PDE5A: variants seen among roughly 807,000 people sequenced by gnomAD.
PDE5A encodes the protein phosphodiesterase 5A, also known as cGMP-specific 3',5'-cyclic phosphodiesterase.
PDE5A carries 67 observed loss-of-function variants against 110.2 expected under a neutral mutation model. The observed-to-expected ratio is 0.61, with a 90% CI of 0.50 to 0.75. The LOEUF is 0.75. PDE5A is among the 30% of genes least tolerant of loss of function. PDE5A has a pLI of 0.00. For synonymous variants in PDE5A, 328 were observed against 351.2 expected (o/e 0.93, Z 0.74); for missense variants, 862 against 1,045.1 (o/e 0.82, Z 2.42).
chr4:119,571,200 A>G (rs1728130480), intron 3 of PDE5A, among the ~76,000 whole-genome samples: 1 of 152,228 alleles, frequency 6.6e-6, no homozygotes, highest in African/African-American at 2.4e-5. Flanking sequence ...CTAAGGAATC[A>G]TCAAGTTATG....
At chr4:119,598,727 T>C (rs1355030882) in intron 2 of PDE5A, among the ~76,000 whole-genome samples, 1 of 152,188 alleles carries the variant, frequency 6.6e-6, no homozygotes, top group Non-Finnish European at 1.5e-5. Context: ...GGCGTTTTCC[T>C]GCTTTAGAGA....
chr4:119,598,757 A>G (rs1303292237), intron 2 of PDE5A, among the ~76,000 whole-genome samples: 1 of 152,198 alleles, frequency 6.6e-6, no homozygotes, highest in Non-Finnish European at 1.5e-5. Flanking sequence ...CTACCCAATG[A>G]GAGCAACGCT....
intron 20 of PDE5A, among the ~76,000 whole-genome samples, chr4:119,500,449 A>G (rs1218302195): frequency 1.3e-5 from 2 of 152,148 alleles, no homozygotes; most frequent in African/African-American, 4.8e-5. Context: ...TTGGGAGATG[A>G]ACTTTACAAG....
At chr4:119,563,693 G>A (rs1727823389) in intron 5 of PDE5A, among the ~76,000 whole-genome samples, 1 of 152,254 alleles carries the variant, frequency 6.6e-6, no homozygotes, top group Admixed American at 6.5e-5. Flanking sequence ...ACTGGGAGAT[G>A]AGGTTGCAGC....
intron 7 of PDE5A, among the ~76,000 whole-genome samples, chr4:119,555,646 T>A (rs966078047): frequency 6.6e-6 from 1 of 152,104 alleles, no homozygotes. Context: ...TTCTTCATCA[T>A]CATTATTTTA....
Position 119,495,967 on chromosome 4 carries a change from C to CA in PDE5A, c.*2633dup, listed in dbSNP as rs1725047127. ...CCTTCTGTGACATTCTGCTTGAAGACAAAGGCTTTGCCCAAACATAACTCC... is the reference window on the plus strand; with the variant it reads ...CCTTCTGTGACATTCTGCTTGAAGACAAAAGGCTTTGCCCAAACATAACTCC... On this transcript the variant is annotated 3_prime_UTR_variant, in exon 21 of 21. Transcript: ENST00000354960. 6.6e-6 allele frequency: 1 copy of CA among 152,088 alleles called. No homozygotes were observed. The highest frequency in any genetic ancestry group is 1.5e-5 in the Non-Finnish European group (1 of 68,016). The allele number at this position is 152,088 out of a possible 1,614,324, so 9.4% of individuals were successfully genotyped here. A position where few individuals can be genotyped will look rare whatever the true frequency, so the allele number is the denominator to read the frequency against.
At position 119,628,012 on chromosome 4, in the gene PDE5A, A is replaced by G. The variant is rs201142878; in HGVS notation, c.152+508T>C. Reference sequence around the variant, plus strand: ...GCACTCACTTTGGCAAGGTTCCGTCATGTTGCCTTTGGGCTGTCCCGTGGA... The same window carrying G: ...GCACTCACTTTGGCAAGGTTCCGTCGTGTTGCCTTTGGGCTGTCCCGTGGA... On this transcript the variant is annotated intron_variant, in intron 1 of 20. Transcript: ENST00000354960. The G allele has an allele frequency of 7.1e-5, 70 of 984,882 alleles. No individual in the cohort carries two copies. In the Admixed American group the frequency reaches 1.5e-3, roughly 21 times the overall value. The allele number at this position is 984,882 out of a possible 1,614,324, so 61.0% of individuals were successfully genotyped here. A position where few individuals can be genotyped will look rare whatever the true frequency, so the allele number is the denominator to read the frequency against.
intron 9 of PDE5A, among the ~76,000 whole-genome samples, chr4:119,551,216 A>G (rs188450961): frequency 6.6e-6 from 1 of 152,346 alleles, no homozygotes; most frequent in Admixed American, 6.5e-5. Context: ...AAAGAAACAG[A>G]TCTGTCCCAG....
intron 3 of PDE5A, among the ~76,000 whole-genome samples, chr4:119,588,952 A>G (rs912857007): frequency 3.3e-5 from 5 of 152,236 alleles, no homozygotes; most frequent in African/African-American, 7.2e-5. Context: ...AGTATGATAA[A>G]ATAAAATCAA....
chr4:119,536,390 A>T (rs1217081285), intron 11 of PDE5A, among the ~76,000 whole-genome samples: 5 of 152,144 alleles, frequency 3.3e-5, no homozygotes, highest in African/African-American at 9.7e-5. Flanking sequence ...GAACTTCAAT[A>T]TGTAGACAAT....
chr4:119,531,856 T>C (rs906372872), intron 11 of PDE5A, among the ~76,000 whole-genome samples: 2 of 152,130 alleles, frequency 1.3e-5, no homozygotes, highest in African/African-American at 4.8e-5. Context: ...CATATTTGCC[T>C]GAGATCACAC....
chr4:119,579,793 A>AT (rs1236984453), intron 3 of PDE5A, among the ~76,000 whole-genome samples: 1 of 152,116 alleles, frequency 6.6e-6, no homozygotes, highest in African/African-American at 2.4e-5. Context: ...ATACATATGT[A>AT]ACTAACCTGC....
At chr4:119,551,855 T>A (rs967508433) in intron 9 of PDE5A, 3 of 152,198 alleles carry the variant, frequency 2.0e-5, no homozygotes, top group Non-Finnish European at 4.4e-5. Context: ...AAATTTAACC[T>A]TTAAAAAGTT....
chr4:119,552,843 C>T (rs989002959), intron 8 of PDE5A, among the ~76,000 whole-genome samples: 8 of 151,678 alleles, frequency 5.3e-5, no homozygotes, highest in Non-Finnish European at 8.8e-5. Context: ...TTAAAAATAT[C>T]GGAATTTTTT....
chr4:119,516,357 G>A (rs1725906336), intron 14 of PDE5A, among the ~76,000 whole-genome samples: 1 of 152,182 alleles, frequency 6.6e-6, no homozygotes, highest in Admixed American at 6.5e-5. Flanking sequence ...AAGGGCAAAA[G>A]CCCTAGTATA....
chr4:119,550,710 T>C (rs1432670281), intron 9 of PDE5A, among the ~76,000 whole-genome samples: 1 of 152,212 alleles, frequency 6.6e-6, no homozygotes, highest in African/African-American at 2.4e-5. Context: ...GATAACTTAC[T>C]AGTAAATAAT....
rs115747261 is a variant in PDE5A, at chr4:119,580,760, T to C, written c.832-13616A>G. Among the ~76,000 whole-genome samples, 1,144 of 152,346 alleles carry C rather than the reference T, an allele frequency of 7.5e-3. 13 individuals are homozygous for C. Among genetic ancestry groups the C allele is most frequent in the African/African-American group, 0.026 (1,081 of 41,568 alleles). ...CTTTTGCTACAAAGTCAGACCTCTT[T>C]CTTTCCCACTCTGCCTCTCTGCTTA... On this transcript the variant is annotated intron_variant, in intron 3 of 20. Coordinates refer to ENST00000354960, the MANE Select transcript of PDE5A (RefSeq NM_001083.4).
intron 14 of PDE5A, 91 bp downstream of exon 14, chr4:119,518,954 G>A (rs1726013518): frequency 1.3e-6 from 1 of 795,440 alleles, no homozygotes; most frequent in East Asian, 2.6e-5. Context: ...ATGGGACCTT[G>A]ACCATCAAAT....
chr4:119,523,369 A>ATCTG (rs10696044), intron 12 of PDE5A, among the ~76,000 whole-genome samples: 39,874 of 151,852 alleles, frequency 0.26, 5,331 homozygotes, highest in East Asian at 0.38. Flanking sequence ...GAACATGAAG[A>ATCTG]TCTTTCAATA....
Sources: gnomAD v4.1 joint callset for allele counts (sites outside exome capture counted in the v4.1 genomes callset) on GRCh38, gnomAD v4.1.1 for gene constraint, MANE v1.5 for transcripts, NCBI Gene and HGNC (gene_info 2026-07-23, HGNC 2026-07-21) for gene names.